Variants in PCSK5 observed in about 807,000 individuals in gnomAD.
The protein encoded by PCSK5 is prohormone convertase 5.
A neutral mutation model predicts 233.2 loss-of-function variants in PCSK5; 129 were observed. The ratio of observed to expected loss-of-function variants is 0.55; its 90% CI spans 0.48 to 0.64. PCSK5 has a LOEUF of 0.64. PCSK5 is among the 30% of genes least tolerant of loss of function. PCSK5 has a pLI of 0.00. For synonymous variants in PCSK5, 825 were observed against 879.2 expected (o/e 0.94, Z 1.09); for missense variants, 2,076 against 2,430.1 (o/e 0.85, Z 3.06).
chr9:76,128,452 C>T (rs992204137), intron 9 of PCSK5, among the ~76,000 whole-genome samples: 1 of 152,150 alleles, frequency 6.6e-6, no homozygotes, highest in Non-Finnish European at 1.5e-5. Flanking sequence ...TTTGTAAGAG[C>T]TTATGTAGCA....
chr9:75,947,441 G>A (rs538464983), intron 2 of PCSK5, among the ~76,000 whole-genome samples: 11 of 151,980 alleles, frequency 7.2e-5, no homozygotes, highest in Non-Finnish European at 1.3e-4. Flanking sequence ...TAATCCTTTC[G>A]CAAAGCTAAG....
At chr9:76,236,864 C>T (rs1041220439) in intron 22 of PCSK5, among the ~76,000 whole-genome samples, 6 of 152,274 alleles carry the variant, frequency 3.9e-5, no homozygotes, top group Middle Eastern at 3.4e-3. Flanking sequence ...CTGGGCCCGT[C>T]GTTGCTAATT....
At chr9:75,989,088 T>C (rs1159398863) in intron 3 of PCSK5, among the ~76,000 whole-genome samples, 2 of 152,216 alleles carry the variant, frequency 1.3e-5, no homozygotes, top group Non-Finnish European at 2.9e-5. Flanking sequence ...GGGAAACAGG[T>C]TCCATACCTT....
At chr9:76,089,942 T>C (rs1831217431) in intron 7 of PCSK5, among the ~76,000 whole-genome samples, 1 of 152,286 alleles carries the variant, frequency 6.6e-6, no homozygotes, top group South Asian at 2.1e-4. Flanking sequence ...TAGGGCATTC[T>C]TGAGAAAAAA....
intron 20 of PCSK5, chr9:76,193,969 T>C (rs949072122): frequency 5.2e-5 from 8 of 152,400 alleles, no homozygotes; most frequent in Non-Finnish European, 1.0e-4. Context: ...TGTACTTATG[T>C]ACTGGTTTTT....
intron 34 of PCSK5, 84 bp from the exon 35 acceptor site, chr9:76,338,146 G>GA: frequency 1.1e-6 from 1 of 937,374 alleles, no homozygotes; most frequent in Non-Finnish European, 1.7e-6. Context: ...GCTTGTAAAT[G>GA]AAACCTGACC....
intron 2 of PCSK5, among the ~76,000 whole-genome samples, chr9:75,946,820 C>G (rs1298628181): frequency 1.3e-5 from 2 of 152,110 alleles, no homozygotes; most frequent in African/African-American, 4.8e-5. Context: ...GAACTCCTGA[C>G]CTCGTGATCC....
chr9:76,095,148 T>C (rs2131647908), intron 7 of PCSK5, among the ~76,000 whole-genome samples: 1 of 152,354 alleles, frequency 6.6e-6, no homozygotes, highest in East Asian at 1.9e-4. Context: ...CCCAAACATA[T>C]GTGATCTTGA....
chr9:76,057,311 A>G (rs184008277), intron 5 of PCSK5, among the ~76,000 whole-genome samples: 81 of 152,322 alleles, frequency 5.3e-4, no homozygotes, highest in Non-Finnish European at 7.4e-4. Context: ...GATGATGTCT[A>G]TTGCTCTATA....
chr9:76,122,671 T>TA (rs911985528), intron 9 of PCSK5, among the ~76,000 whole-genome samples: 414 of 151,088 alleles, frequency 2.7e-3, no homozygotes, highest in Middle Eastern at 0.014. Flanking sequence ...TGTGAAGTCT[T>TA]AAAAAAAAAT....
At position 76,092,323 on chromosome 9, in the gene PCSK5, G is replaced by C. The variant is rs117047417; in HGVS notation, c.895-3567G>C. ...CTAGCCCTCTTTTTGCCCAAAAGAA[G>C]ACTATTGTAAGGATTAATAGCTCAG... is the stretch of plus-strand genomic sequence containing the variant. On this transcript the variant is annotated intron_variant, in intron 7 of 37. Transcript: ENST00000674117. 7.5e-3 allele frequency among the ~76,000 whole-genome samples: 1,145 copies of C among 152,316 alleles called. 9 individuals are homozygous for C. Among genetic ancestry groups the C allele is most frequent in the Non-Finnish European group, 9.0e-3 (615 of 68,024 alleles).
At chr9:76,084,993 T>A (rs1439053769) in intron 7 of PCSK5, among the ~76,000 whole-genome samples, 1 of 152,216 alleles carries the variant, frequency 6.6e-6, no homozygotes, top group East Asian at 1.9e-4. Flanking sequence ...GAGGTGGGCA[T>A]GGGCATGAGC....
rs1824708224 is a variant in PCSK5, at chr9:75,948,809, C to T, written c.297+16326C>T. ...AAAAGCATTCCTATTTCTCCACATCCTATCCAGCATCTGTTGTTTCCTGAC... is the reference window on the plus strand; with the variant it reads ...AAAAGCATTCCTATTTCTCCACATCTTATCCAGCATCTGTTGTTTCCTGAC... On this transcript the variant is annotated intron_variant, in intron 2 of 37. Transcript: ENST00000674117. 2.6e-5 allele frequency among the ~76,000 whole-genome samples: 4 copies of T among 152,082 alleles called. No individual in the cohort carries two copies. In the South Asian group the frequency reaches 8.3e-4, roughly 32 times the overall value.
intron 35 of PCSK5, 100 bp downstream of exon 35, chr9:76,338,547 TCTTGCTTCC>T: frequency 1.3e-6 from 1 of 788,192 alleles, no homozygotes; most frequent in Non-Finnish European, 2.1e-6. Flanking sequence ...GGGAGGTTCC[TCTTGCTTCC>T]CTACCTCGTG....
intron 5 of PCSK5, among the ~76,000 whole-genome samples, chr9:76,030,546 A>C (rs1354502399): frequency 6.6e-6 from 1 of 151,878 alleles, no homozygotes; most frequent in Non-Finnish European, 1.5e-5. Context: ...AATTATAGGA[A>C]TCTTATACAA....
intron 12 of PCSK5, among the ~76,000 whole-genome samples, chr9:76,165,816 C>CACTAATAA (rs1823063881): frequency 1.3e-5 from 2 of 152,238 alleles, no homozygotes; most frequent in Admixed American, 6.5e-5. Context: ...GATCTCTTCA[C>CACTAATAA]TGTTGGCACA....
chr9:76,003,372 CAAA>C (rs1379533466), intron 3 of PCSK5, among the ~76,000 whole-genome samples: 2 of 151,896 alleles, frequency 1.3e-5, no homozygotes, highest in Admixed American at 1.3e-4. Context: ...GACCCTGTCT[CAAA>C]GAAATAAAAA....
intron 33 of PCSK5, among the ~76,000 whole-genome samples, chr9:76,331,944 A>G (rs1045493728): frequency 1.3e-5 from 2 of 152,354 alleles, no homozygotes; most frequent in South Asian, 4.1e-4. Context: ...CAAGGCCCCA[A>G]GTTGGGGATA....
chr9:75,981,146 C>G (rs186222611), intron 2 of PCSK5, among the ~76,000 whole-genome samples: 1 of 152,316 alleles, frequency 6.6e-6, no homozygotes, highest in African/African-American at 2.4e-5. Context: ...GAATATTAAT[C>G]TCGTATCTTC....
Sources: allele counts gnomAD v4.1 joint callset (sites outside exome capture counted in the v4.1 genomes callset), GRCh38; gene constraint gnomAD v4.1.1; transcripts MANE v1.5; gene names NCBI Gene and HGNC (gene_info 2026-07-23, HGNC 2026-07-21).